ZNF213: variants seen among roughly 807,000 people sequenced by gnomAD.
ZNF213 encodes the protein zinc finger protein 213.
A neutral mutation model predicts 46.0 loss-of-function variants in ZNF213; 32 were observed. The ratio of observed to expected loss-of-function variants is 0.70; its 90% confidence interval spans 0.52 to 0.93. The LOEUF is 0.93. Ranked by LOEUF, ZNF213 falls within the 40% of genes least tolerant of loss-of-function variation. The pLI is 0.00. For missense variants in ZNF213, 639 were observed against 652.8 expected, an observed-to-expected ratio of 0.98 and a Z score of 0.23; for synonymous variants, 297 against 271.0, an observed-to-expected ratio of 1.10 and a Z score of -0.94.
At chr16:3,137,770 C>A (rs1252359716) in intron 2 of ZNF213, 91 bp downstream of exon 2, 36 of 1,491,320 alleles carry the variant, frequency 2.4e-5, no homozygotes, top group Non-Finnish European at 3.2e-5. Context: ...CCCAGAGGCT[C>A]ACAGGGTAGG....
Position 3,140,685 on chromosome 16 carries a change from G to A in ZNF213, c.722-4G>A, listed in dbSNP as rs372645211. ...CTGAAGAGGTCGCCTCCTTCCCCTT[G>A]CAGGTTTTGGGCTCAAAGGCCAAAG... On this transcript the variant is annotated splice_region_variant and splice_polypyrimidine_tract_variant and intron_variant, in intron 5 of 5. Coordinates refer to ENST00000396878, the MANE Select transcript of ZNF213 (RefSeq NM_004220.3). The A allele has an allele frequency of 4.0e-6, 6 of 1,499,886 alleles. No individual in the cohort carries two copies. In the African/African-American group the frequency reaches 8.7e-5, roughly 22 times the overall value. The allele number at this position is 1,499,886 out of a possible 1,614,324, so 92.9% of individuals were successfully genotyped here. A position where few individuals can be genotyped will look rare whatever the true frequency, so the allele number is the denominator to read the frequency against.
Position 3,141,367 on chromosome 16 carries a change from A to AC in ZNF213, c.*23dup. The AC allele has an allele frequency of 6.6e-7, 1 of 1,523,698 alleles. No individual in the cohort carries two copies. The highest frequency in any genetic ancestry group is 8.8e-7 in the Non-Finnish European group (1 of 1,141,380). The allele number at this position is 1,523,698 out of a possible 1,614,324, so 94.4% of individuals were successfully genotyped here. On this transcript the variant is annotated 3_prime_UTR_variant, in exon 6 of 6. Coordinates refer to ENST00000396878, the MANE Select transcript of ZNF213 (RefSeq NM_004220.3). ...GGGTGAGCAGCTGGCTTGGCCGGAA[A>AC]CCCGGGGGAGGCCCAGCCACGGCAC...
rs1346104688 is a variant in ZNF213 at position 3,140,710 on chromosome 16, G to T, written c.743G>T (p.Ser248Ile). ...GCAGGTTTTGGGCTCAAAGGCCAAA[G>T]TGAGAAGTCCCTGCTGCAGGAGATG... The part of the protein sequence containing the change: ...TTLGFGLKGQ[S>I]EKSLLQEMVP... Residue 248 changes from serine to isoleucine, a missense_variant, in exon 6 of 6, where the codon AGT becomes ATT. Physicochemically the swap from Ser to Ile is moderately radical, Grantham distance 142. Transcript: ENST00000396878. The T allele has an allele frequency of 2.0e-6, 3 of 1,514,924 alleles. No individual in the cohort carries two copies. In the South Asian group the frequency reaches 4.0e-5, roughly 20 times the overall value. The allele number at this position is 1,514,924 out of a possible 1,614,324, so 93.8% of individuals were successfully genotyped here. A position where few individuals can be genotyped will look rare whatever the true frequency, so the allele number is the denominator to read the frequency against.
Position 3,140,770 on chromosome 16 carries a change from T to C in ZNF213, c.803T>C (p.Val268Ala). The C allele has an allele frequency of 6.3e-7, 1 of 1,580,550 alleles. No homozygotes were observed. The highest frequency in any genetic ancestry group is 1.7e-4 in the Middle Eastern group (1 of 5,874). ...PVVPGQTGSD[V>A]TVSWSPEEAE... ...GTGCCAGGCCAGACAGGCAGCGACG[T>C]GACTGTGTCCTGGAGCCCCGAGGAG... is the stretch of plus-strand genomic sequence containing the variant. The change falls in exon 6 of 6, where the codon GTG (valine) becomes GCG (alanine). Residue 268 changes from valine (V) to alanine (A), a missense_variant. Physicochemically the swap from Val to Ala is moderately conservative, Grantham distance 64. Transcript: ENST00000396878.
chr16:3,139,273 C>A, intron 5 of ZNF213, 175 bp downstream of exon 5: 1 of 974,682 alleles, frequency 1.0e-6, no homozygotes, highest in Non-Finnish European at 1.5e-6. Flanking sequence ...TTTCCACATG[C>A]AGCATGGGAC....
In ZNF213 at chr16:3,138,953, G is replaced by T. The variant is rs752634415; in HGVS notation, c.598-22G>T. 3 of 1,614,102 alleles carry T rather than the reference G, an allele frequency of 1.9e-6. No individual in the cohort carries two copies. The Admixed American group carries it at 5.0e-5, about 27-fold the overall frequency. On this transcript the variant is annotated intron_variant, in intron 4 of 5. Transcript: ENST00000396878. ...CCAGTGCTGCTGGGAGGCCTGAGCC[G>T]GGTCTTCTCACCCCATTCCAGGGAC...
In ZNF213 at chr16:3,139,064, C is replaced by T. The variant is rs775320694; in HGVS notation, c.687C>T (p.Asp229=). The change falls in exon 5 of 6, where the codon GAC becomes GAT. Residue 229 remains aspartate (D), a synonymous_variant. Coordinates refer to ENST00000396878, the MANE Select transcript of ZNF213 (RefSeq NM_004220.3). ...LDPAQRDLFW[D]IKRENSRNTT... is the part of the protein sequence containing the mutation. Reference sequence around the variant, plus strand: ...CTGCTCAGCGGGATCTCTTCTGGGACATAAAGCGGGAGAACTCCCGGAACA... The same window carrying T: ...CTGCTCAGCGGGATCTCTTCTGGGATATAAAGCGGGAGAACTCCCGGAACA... 28 of 1,613,956 alleles carry T rather than the reference C, an allele frequency of 1.7e-5. 1 individual carries two copies. The South Asian group carries it at 3.0e-4, about 17-fold the overall frequency.
chr16:3,137,212 G>T lies in ZNF213; in HGVS notation c.-69G>T. 1 of 1,515,590 alleles carries T rather than the reference G, an allele frequency of 6.6e-7. No homozygotes were observed. Among genetic ancestry groups the T allele is most frequent in the East Asian group, 2.3e-5 (1 of 44,158 alleles). The allele number at this position is 1,515,590 out of a possible 1,614,324, so 93.9% of individuals were successfully genotyped here. ...CCCAGCTACCACAGGGGATCCCTCT[G>T]GGAGACTGAAAGTACAGGTTCTGGG... On this transcript the variant is annotated 5_prime_UTR_variant, in exon 2 of 6. Transcript: ENST00000396878.
chr16:3,139,345 A>T (rs1596307207), intron 5 of ZNF213: 1 of 520,600 alleles, frequency 1.9e-6, no homozygotes, highest in East Asian at 3.5e-5. Flanking sequence ...GAGTCTCACA[A>T]CCTAGTGCAT....
In ZNF213 at chr16:3,139,081, C is replaced by G. The variant is rs2141537243; in HGVS notation, c.704C>G (p.Ser235Cys). ...TTCTGGGACATAAAGCGGGAGAACT[C>G]CCGGAACACCACCCTGGGTAAGCAC... ...DLFWDIKREN[S>C]RNTTLGFGLK... Residue 235 changes from serine (S) to cysteine (C), a missense_variant, in exon 5 of 6, where the codon TCC (serine) becomes TGC (cysteine). By Grantham distance (112) the Ser-to-Cys change is moderately radical. Coordinates refer to ENST00000396878, the MANE Select transcript of ZNF213 (RefSeq NM_004220.3). The G allele has an allele frequency of 1.9e-6, 3 of 1,613,966 alleles. No homozygotes were observed. The East Asian group carries it at 6.7e-5, about 36-fold the overall frequency.
At chr16:3,138,378 C>G (rs965289536) in intron 2 of ZNF213, 40 bp from the exon 3 acceptor site, 1 of 1,611,118 alleles carries the variant, frequency 6.2e-7, no homozygotes, top group Non-Finnish European at 8.5e-7. Context: ...CTCCCCCGGT[C>G]TGGTCTCGGG....
rs1957550050 is a variant in ZNF213 at position 3,137,290 on chromosome 16, C to T, written c.10C>T (p.Pro4Ser). The change falls in exon 2 of 6, where the codon CCC (proline) becomes TCC (serine). Residue 4 changes from proline to serine, a missense_variant. Physicochemically the swap from Pro to Ser is moderately conservative, Grantham distance 74. Transcript: ENST00000396878. The part of the protein sequence containing the change: MAA[P>S]LEAQDQAPGE... ...GCCTCAGGCCAGGGGAATGGCAGCC[C>T]CCTTGGAGGCCCAGGACCAGGCCCC... is the stretch of plus-strand genomic sequence containing the variant. The T allele has an allele frequency of 6.3e-7, 1 of 1,595,632 alleles. No homozygotes were observed. Among genetic ancestry groups the T allele is most frequent in the African/African-American group, 1.3e-5 (1 of 74,376 alleles).
rs894064026 is a variant in ZNF213, at chr16:3,137,620, G to A, written c.340G>A (p.Glu114Lys). The A allele has an allele frequency of 1.1e-5, 17 of 1,613,866 alleles. No homozygotes were observed. The highest frequency in any genetic ancestry group is 1.4e-5 in the Non-Finnish European group (17 of 1,180,044). Residue 114 changes from glutamate (E) to lysine (K), a missense_variant, in exon 2 of 6, where the codon GAG becomes AAG. Transcript: ENST00000396878. Reference protein sequence around the residue: ...WVREQHPGSGEEAVALVEDLQ... With the variant: ...WVREQHPGSGKEAVALVEDLQ... ...GCGTGAGCAGCACCCGGGAAGCGGT[G>A]AGGAGGCTGTCGCCTTGGTGGAGGA...
At chr16:3,139,131 C>A in intron 5 of ZNF213, 33 bp downstream of exon 5, 1 of 1,605,218 alleles carries the variant, frequency 6.2e-7, no homozygotes, top group Admixed American at 1.7e-5. Context: ...TCCAGGCTGG[C>A]CGCCCCCGAT....
In ZNF213 at chr16:3,140,894, G is replaced by T; in HGVS notation, c.927G>T (p.Arg309=). Residue 309 remains arginine, a synonymous_variant, in exon 6 of 6, where the codon CGG becomes CGT. Coordinates refer to ENST00000396878, the MANE Select transcript of ZNF213 (RefSeq NM_004220.3). The stretch of plus-strand genomic sequence containing the variant: ...CACCCACTCGCCGGCGCCAGTTCCG[G>T]GACCTGGCAGCCGAGAAGCCGCACA... ...GRPPTRRRQF[R]DLAAEKPHSC... 6.3e-7 allele frequency: 1 copy of T among 1,584,538 alleles called. No homozygotes were observed. The highest frequency in any genetic ancestry group is 8.6e-7 in the Non-Finnish European group (1 of 1,168,180).
chr16:3,139,555 C>T (rs1431995517), intron 5 of ZNF213: 1 of 178,156 alleles, frequency 5.6e-6, no homozygotes, highest in Non-Finnish European at 1.2e-5. Flanking sequence ...GGTTCCTCTC[C>T]ATGCCAGGCC....
In ZNF213 at chr16:3,137,696, C is replaced by T; in HGVS notation, c.399+17C>T. The T allele has an allele frequency of 6.2e-7, 1 of 1,610,724 alleles. No homozygotes were observed. The highest frequency in any genetic ancestry group is 8.5e-7 in the Non-Finnish European group (1 of 1,178,758). ...TGGCGACAGGTGAGGGGCCCTTCCA[C>T]ATCCAGGGGCACCTGGATGGTATCT... On this transcript the variant is annotated intron_variant, in intron 2 of 5. Coordinates refer to ENST00000396878, the MANE Select transcript of ZNF213 (RefSeq NM_004220.3).
intron 1 of ZNF213, 31 bp from the exon 2 acceptor site, chr16:3,137,135 C>A (rs909575720): frequency 4.6e-6 from 5 of 1,079,558 alleles, no homozygotes; most frequent in Admixed American, 5.5e-5. Flanking sequence ...CATCCTTCCT[C>A]CTCAGTCCTG....
intron 4 of ZNF213, 30 bp from the exon 5 acceptor site, chr16:3,138,945 C>A (rs772774252): frequency 6.2e-7 from 1 of 1,614,128 alleles, no homozygotes; most frequent in Admixed American, 1.7e-5. Flanking sequence ...TGCTGGGAGG[C>A]CTGAGCCGGG....
Sources: allele counts gnomAD v4.1 joint callset, GRCh38; gene constraint gnomAD v4.1.1; transcripts MANE v1.5; gene names NCBI Gene and HGNC (gene_info 2026-07-23, HGNC 2026-07-21).